The following NRF1 variants were observed in gnomAD, a reference collection of about 807,000 sequenced individuals.
NRF1 encodes nuclear respiratory factor 1.
NRF1 carries 5 observed loss-of-function variants against 58.5 expected under a neutral mutation model. The ratio of observed to expected loss-of-function variants is 0.09; its 90% CI spans 0.04 to 0.18. NRF1 has a LOEUF of 0.18. Among genes scored for constraint, NRF1 ranks in the 10% least tolerant of loss-of-function variants. The pLI is 1.00. For missense variants in NRF1, 288 were observed against 657.7 expected, an observed-to-expected ratio of 0.44 and a Z score of 6.15; for synonymous variants, 224 against 246.7, an observed-to-expected ratio of 0.91 and a Z score of 0.86.
At chr7:129,620,696 T>C (rs1400371268) in intron 1 of NRF1, among the ~76,000 whole-genome samples, 2 of 152,308 alleles carry the variant, frequency 1.3e-5, no homozygotes, top group South Asian at 2.1e-4. Flanking sequence ...CAAATTACTA[T>C]TGTTTTAAAG....
At chr7:129,673,674 G>A (rs182307073) in intron 3 of NRF1, among the ~76,000 whole-genome samples, 1,282 of 117,186 alleles carry the variant, frequency 0.011, 18 homozygotes, top group Middle Eastern at 0.019. Flanking sequence ...CGGAGATCGC[G>A]CCACAGCACT....
At chr7:129,732,679 C>T (rs1315120526) in intron 10 of NRF1, among the ~76,000 whole-genome samples, 1 of 151,930 alleles carries the variant, frequency 6.6e-6, no homozygotes, top group East Asian at 2.0e-4. Flanking sequence ...CTCAGCTCAC[C>T]GCAACCTCTG....
At chr7:129,628,064 G>A (rs1454209396) in intron 1 of NRF1, among the ~76,000 whole-genome samples, 1 of 107,390 alleles carries the variant, frequency 9.3e-6, no homozygotes, top group Non-Finnish European at 1.8e-5. Flanking sequence ...TTTTTTTTGA[G>A]ACGGAGTCTT....
chr7:129,670,482 T>C (rs1381081488), intron 2 of NRF1, among the ~76,000 whole-genome samples: 1 of 152,266 alleles, frequency 6.6e-6, no homozygotes, highest in African/African-American at 2.4e-5. Context: ...AGGCTGATTA[T>C]ATTACTAACA....
intron 5 of NRF1, among the ~76,000 whole-genome samples, chr7:129,706,031 G>A (rs1462241679): frequency 6.6e-6 from 1 of 152,188 alleles, no homozygotes; most frequent in East Asian, 1.9e-4. Flanking sequence ...ATGAGTGGCG[G>A]CATTAGAATA....
chr7:129,643,959 A>G (rs1490224995), intron 1 of NRF1, among the ~76,000 whole-genome samples: 6 of 152,130 alleles, frequency 3.9e-5, no homozygotes, highest in Non-Finnish European at 8.8e-5. Flanking sequence ...TCCCCTTGCT[A>G]TGCCATGTGC....
intron 1 of NRF1, among the ~76,000 whole-genome samples, chr7:129,651,009 A>G (rs980824491): frequency 6.6e-6 from 1 of 152,144 alleles, no homozygotes; most frequent in African/African-American, 2.4e-5. Flanking sequence ...GCATTAACCA[A>G]CCTGCTTCTT....
rs1442047629 is a variant in NRF1 at position 129,619,409 on chromosome 7, TATATATATATATATATATATATATAC to T, written c.-7+7587_-7+7612del. Among the ~76,000 whole-genome samples, 9 of 93,576 alleles carry T rather than the reference TATATATATATATATATATATATATAC, an allele frequency of 9.6e-5. 1 individual carries two copies. The highest frequency in any genetic ancestry group is 4.4e-4 in the Admixed American group (4 of 9,054). The allele number at this position is 93,576 out of a possible 152,430, so 61.4% of individuals were successfully genotyped here. ...CTTGGCATACGTGTATATATATATA[TATATATATATATATATATATATATAC>T]ACACACACACACATATATATACACG... On this transcript the variant is annotated intron_variant, in intron 1 of 10. Transcript: ENST00000393232.
chr7:129,668,972 G>A (rs1036306978), intron 2 of NRF1, among the ~76,000 whole-genome samples: 4 of 151,994 alleles, frequency 2.6e-5, no homozygotes, highest in African/African-American at 9.7e-5. Flanking sequence ...TTTTGAGACG[G>A]AGTCTTGCTC....
intron 5 of NRF1, among the ~76,000 whole-genome samples, chr7:129,695,894 A>G (rs1177190494): frequency 2.0e-5 from 3 of 151,568 alleles, no homozygotes; most frequent in African/African-American, 4.8e-5. Context: ...ACAAAAAACT[A>G]TTTTCCTATT....
intron 10 of NRF1, among the ~76,000 whole-genome samples, chr7:129,736,688 T>A (rs907241942): frequency 2.0e-5 from 3 of 151,624 alleles, no homozygotes; most frequent in African/African-American, 7.3e-5. Flanking sequence ...TTTGATTGAA[T>A]GTGTAACTAG....
intron 10 of NRF1, among the ~76,000 whole-genome samples, chr7:129,744,469 A>G (rs1259555647): frequency 6.6e-6 from 1 of 152,130 alleles, no homozygotes; most frequent in East Asian, 1.9e-4. Flanking sequence ...GGGTCTTACT[A>G]CATTACCCAG....
intron 3 of NRF1, among the ~76,000 whole-genome samples, chr7:129,672,605 T>C (rs1310433584): frequency 6.6e-6 from 1 of 152,118 alleles, no homozygotes; most frequent in Non-Finnish European, 1.5e-5. Flanking sequence ...GTGATCAGGT[T>C]CTAGATGTAT....
At chr7:129,696,203 C>T (rs1324020301) in intron 5 of NRF1, among the ~76,000 whole-genome samples, 2 of 152,152 alleles carry the variant, frequency 1.3e-5, no homozygotes, top group Middle Eastern at 3.4e-3. Context: ...GAGATCATGC[C>T]ATCGCACTCC....
chr7:129,638,961 CCTT>C (rs1235158737), intron 1 of NRF1, among the ~76,000 whole-genome samples: 1 of 151,742 alleles, frequency 6.6e-6, no homozygotes, highest in Non-Finnish European at 1.5e-5. Context: ...GATTTTTTTT[CCTT>C]CTTACTACTG....
intron 2 of NRF1, among the ~76,000 whole-genome samples, chr7:129,659,453 C>T (rs2151076776): frequency 6.6e-6 from 1 of 152,286 alleles, no homozygotes; most frequent in East Asian, 1.9e-4. Flanking sequence ...GATGGTTTTA[C>T]TTCTGCCTAA....
intron 10 of NRF1, among the ~76,000 whole-genome samples, chr7:129,740,511 A>G (rs1162684145): frequency 2.0e-5 from 3 of 152,166 alleles, no homozygotes; most frequent in Non-Finnish European, 4.4e-5. Context: ...GTCCCATCAT[A>G]TCCCTCAGGC....
At chr7:129,624,040 C>G (rs1296079322) in intron 1 of NRF1, among the ~76,000 whole-genome samples, 1 of 152,162 alleles carries the variant, frequency 6.6e-6, no homozygotes, top group Non-Finnish European at 1.5e-5. Flanking sequence ...CTGAAGAAAT[C>G]CATTTTGTAG....
At chr7:129,677,007 A>ATTTTTTTT (rs56059756) in intron 3 of NRF1, among the ~76,000 whole-genome samples, 2 of 113,546 alleles carry the variant, frequency 1.8e-5, no homozygotes, top group African/African-American at 3.2e-5. Flanking sequence ...TCTTGGTTGC[A>ATTTTTTTT]TTTTTTTTTT....
Sources: allele counts gnomAD v4.1 joint callset (sites outside exome capture counted in the v4.1 genomes callset), GRCh38; gene constraint gnomAD v4.1.1; transcripts MANE v1.5; gene names NCBI Gene and HGNC (gene_info 2026-07-23, HGNC 2026-07-21).